Variants in PLEKHG1 observed in about 807,000 individuals in gnomAD.
PLEKHG1 encodes pleckstrin homology domain-containing family G member 1.
A neutral mutation model predicts 100.8 loss-of-function variants in PLEKHG1; 44 were observed. The observed-to-expected ratio is 0.44, with a 90% CI of 0.34 to 0.56. The LOEUF (loss-of-function observed/expected upper bound fraction) is 0.56, where lower values mean the gene tolerates loss of function less well. Among genes scored for constraint, PLEKHG1 ranks in the 20% least tolerant of loss-of-function variants. The probability of loss-of-function intolerance (pLI) is 0.01; values close to 1 mark genes in which losing one functional copy is unlikely to be tolerated. For synonymous variants in PLEKHG1, 640 were observed against 662.5 expected (o/e 0.97, Z 0.52); for missense variants, 1,545 against 1,720.9 (o/e 0.90, Z 1.81).
rs201892860 is a variant in PLEKHG1, at chr6:150,640,211, A to AT, written c.-158+2094dup. Among the ~76,000 whole-genome samples the AT allele has an allele frequency of 3.5e-4, 54 of 152,184 alleles. No individual in the cohort carries two copies. The East Asian group carries it at 7.2e-3, about 20-fold the overall frequency. On this transcript the variant is annotated intron_variant, in intron 2 of 3. Coordinates refer to the PLEKHG1 transcript ENST00000367326. ...AGAATGTGATATTGACAGACTTTCT[A>AT]TTTTTTTTCTAGTCAGCTCATGACT...
chr6:150,612,334 T>C (rs1484330665), intron 1 of PLEKHG1, among the ~76,000 whole-genome samples: 2 of 151,330 alleles, frequency 1.3e-5, no homozygotes, highest in Non-Finnish European at 3.0e-5. Context: ...TGTTTGTTTG[T>C]TTTGTTTTGT....
At chr6:150,800,306 T>C (rs936063125) in intron 5 of PLEKHG1, among the ~76,000 whole-genome samples, 3 of 152,144 alleles carry the variant, frequency 2.0e-5, no homozygotes, top group Admixed American at 2.0e-4. Flanking sequence ...TTTTTCTTAG[T>C]ACAAAAAGTG....
intron 10 of PLEKHG1, among the ~76,000 whole-genome samples, chr6:150,809,979 A>G (rs1443128971): frequency 6.6e-6 from 1 of 151,942 alleles, no homozygotes; most frequent in Non-Finnish European, 1.5e-5. Context: ...CCAGCAAGGC[A>G]TCCTGATAGG....
chr6:150,760,826 G>A (rs948709442), intron 2 of PLEKHG1, among the ~76,000 whole-genome samples: 2 of 151,938 alleles, frequency 1.3e-5, no homozygotes, highest in African/African-American at 2.4e-5. Context: ...ATGTAATTTG[G>A]AAACTGCAAT....
intron 1 of PLEKHG1, among the ~76,000 whole-genome samples, chr6:150,610,000 C>T (rs1203872327): frequency 6.6e-6 from 1 of 152,194 alleles, no homozygotes; most frequent in Non-Finnish European, 1.5e-5. Context: ...GATGCTGTGA[C>T]GCGATGCTGG....
intron 3 of PLEKHG1, among the ~76,000 whole-genome samples, chr6:150,785,190 A>G (rs1318256466): frequency 6.6e-6 from 1 of 152,260 alleles, no homozygotes; most frequent in African/African-American, 2.4e-5. Context: ...TAGAGCAGAA[A>G]TAGCCTAAAG....
chr6:150,703,879 A>G (rs1292192547), intron 3 of PLEKHG1, among the ~76,000 whole-genome samples: 1 of 152,198 alleles, frequency 6.6e-6, no homozygotes, highest in African/African-American at 2.4e-5. Flanking sequence ...GCAGAATTTC[A>G]TGTGGCATTT....
chr6:150,765,522 CAGA>C (rs1295023789), intron 2 of PLEKHG1, among the ~76,000 whole-genome samples: 1 of 151,082 alleles, frequency 6.6e-6, no homozygotes, highest in Non-Finnish European at 1.5e-5. Context: ...AATGTGATAT[CAGA>C]AGAAGAAGGG....
rs1486311679 is a variant in PLEKHG1, at chr6:150,836,634, T to C, written c.3095-3199T>C. 2.0e-5 allele frequency among the ~76,000 whole-genome samples: 3 copies of C among 151,506 alleles called. No homozygotes were observed. In the East Asian group the frequency reaches 6.0e-4, roughly 30 times the overall value. ...GAGTTTGTGACCAGCCTGGGCAACA[T>C]AGCAAGACTTTCTCTCTACAAAAAA... On this transcript the variant is annotated intron_variant, in intron 15 of 15. Coordinates refer to ENST00000358517, the Ensembl canonical transcript of PLEKHG1.
At chr6:150,657,738 G>A (rs1451364436) in intron 3 of PLEKHG1, among the ~76,000 whole-genome samples, 2 of 152,132 alleles carry the variant, frequency 1.3e-5, no homozygotes, top group African/African-American at 2.4e-5. Context: ...CATGCAGTAC[G>A]GAATCATGGA....
chr6:150,813,634 G>A (rs1046239329), intron 10 of PLEKHG1, among the ~76,000 whole-genome samples: 4 of 152,142 alleles, frequency 2.6e-5, no homozygotes, highest in African/African-American at 9.7e-5. Context: ...AGGGACTGCA[G>A]TATTGTCATA....
chr6:150,718,704 G>C (rs189922483), upstream of PLEKHG1, among the ~76,000 whole-genome samples: 489 of 152,184 alleles, frequency 3.2e-3, no homozygotes, highest in Admixed American at 8.8e-3. Flanking sequence ...TTCTGACCTC[G>C]TGATCCACCT....
At chr6:150,840,123 G>A (rs1288031997) in exon 16 of PLEKHG1, 3 of 1,614,116 alleles carry the variant, frequency 1.9e-6, no homozygotes, top group African/African-American at 2.7e-5. Flanking sequence ...AGCTTGCTCT[G>A]TGCCTTCTCT....
chr6:150,748,229 G>A (rs1040040656), intron 2 of PLEKHG1, among the ~76,000 whole-genome samples: 6 of 152,028 alleles, frequency 3.9e-5, no homozygotes, highest in African/African-American at 7.2e-5. Context: ...TCCTTCTTAC[G>A]GCTGAGTAAT....
intron 2 of PLEKHG1, among the ~76,000 whole-genome samples, chr6:150,640,984 G>A (rs945290483): frequency 6.6e-6 from 1 of 152,088 alleles, no homozygotes; most frequent in Admixed American, 6.5e-5. Context: ...GGCACTAAAT[G>A]TCAGTTTCAT....
At chr6:150,633,105 C>T (rs2128562616) in intron 1 of PLEKHG1, 1 of 152,360 alleles carries the variant, frequency 6.6e-6, no homozygotes, top group East Asian at 1.9e-4. Flanking sequence ...CCTTTGAGGA[C>T]TCATCATTCA....
intron 3 of PLEKHG1, among the ~76,000 whole-genome samples, chr6:150,699,064 C>A (rs1039242603): frequency 6.6e-6 from 1 of 152,132 alleles, no homozygotes; most frequent in African/African-American, 2.4e-5. Context: ...ATATAACTGT[C>A]CTTAAAACTG....
intron 3 of PLEKHG1, among the ~76,000 whole-genome samples, chr6:150,690,290 T>C (rs1474497439): frequency 6.6e-6 from 1 of 152,128 alleles, no homozygotes; most frequent in Non-Finnish European, 1.5e-5. Context: ...TGGAGATGTG[T>C]GGGATCCTGG....
Position 150,771,378 on chromosome 6 carries a change from C to G in PLEKHG1, c.512+2640C>G, listed in dbSNP as rs1477570889. On this transcript the variant is annotated intron_variant, in intron 3 of 15. Coordinates refer to ENST00000358517, the Ensembl canonical transcript of PLEKHG1. ...GTTGCAGTGAGCCGAGATCGCGCCA[C>G]TGCACTCCAGCCTGGGCAACAGAGT... is the stretch of plus-strand genomic sequence containing the variant. Among the ~76,000 whole-genome samples the G allele has an allele frequency of 3.3e-5, 5 of 151,972 alleles. No homozygotes were observed. In the East Asian group the frequency reaches 7.9e-4, roughly 24 times the overall value.
Sources: allele counts gnomAD v4.1 joint callset (sites outside exome capture counted in the v4.1 genomes callset), GRCh38; gene constraint gnomAD v4.1.1; transcripts MANE v1.5; gene names NCBI Gene and HGNC (gene_info 2026-07-23, HGNC 2026-07-21).